Variants in PCDH11X observed in about 807,000 individuals in gnomAD.
PCDH11X encodes protocadherin 11 X-linked, also known as protocadherin-11 X-linked.
PCDH11X carries 18 observed loss-of-function variants against 53.3 expected under a neutral mutation model. The observed-to-expected ratio is 0.34, with a 90% CI of 0.23 to 0.50. The LOEUF (loss-of-function observed/expected upper bound fraction) is 0.50. PCDH11X is among the 20% of genes least tolerant of loss of function. The probability of loss-of-function intolerance (pLI) is 0.98; values close to 1 mark genes in which losing one functional copy is unlikely to be tolerated. For synonymous variants in PCDH11X, 279 were observed against 393.3 expected (o/e 0.71, Z 3.44); for missense variants, 570 against 1,032.4 (o/e 0.55, Z 6.14).
intron 5 of PCDH11X, among the ~76,000 whole-genome samples, chrX:91,848,523 T>C (rs147816454): frequency 0.01 from 1,160 of 111,965 alleles, 16 homozygotes; most frequent in African/African-American, 0.036. Flanking sequence ...TCTAATTATT[T>C]TTGTTATACT....
At chrX:92,397,989 T>A (rs951604625) in intron 9 of PCDH11X, among the ~76,000 whole-genome samples, 6 of 110,623 alleles carry the variant, frequency 5.4e-5, no homozygotes, top group Non-Finnish European at 1.1e-4. Flanking sequence ...AGTTTTAGGA[T>A]TTGACCCAAA....
intron 1 of PCDH11X, among the ~76,000 whole-genome samples, chrX:91,780,034 C>G (rs1022223498): frequency 5.3e-5 from 6 of 112,152 alleles, no homozygotes; most frequent in African/African-American, 1.9e-4. Flanking sequence ...CCAGCTTCAG[C>G]GAGGCTGAGG....
At chrX:91,886,536 G>A (rs1569427818) in intron 6 of PCDH11X, among the ~76,000 whole-genome samples, 1 of 109,940 alleles carries the variant, frequency 9.1e-6, no homozygotes, top group Admixed American at 9.8e-5. Flanking sequence ...TGATATTTAA[G>A]CTATTATATT....
At chrX:92,300,163 G>A (rs1053630129) in intron 8 of PCDH11X, among the ~76,000 whole-genome samples, 9 of 109,901 alleles carry the variant, frequency 8.2e-5, no homozygotes, top group South Asian at 3.9e-4. Context: ...ACTGTGGTCC[G>A]AGAGTGTGGT....
chrX:92,618,004 A>G (rs1465074654), intron 10 of PCDH11X: 1 of 118,205 alleles, frequency 8.5e-6, no homozygotes, highest in African/African-American at 3.3e-5. Context: ...GGTCACAGAT[A>G]CAATAAAAAA....
chrX:92,510,950 C>T (rs1408860194), intron 10 of PCDH11X, among the ~76,000 whole-genome samples: 1 of 111,391 alleles, frequency 9.0e-6, no homozygotes, highest in Non-Finnish European at 1.9e-5. Context: ...TTTAGCAATA[C>T]CTTTTAAAGT....
At chrX:92,264,036 G>A (rs941240362) in intron 8 of PCDH11X, among the ~76,000 whole-genome samples, 15 of 111,694 alleles carry the variant, frequency 1.3e-4, no homozygotes, top group African/African-American at 4.9e-4. Flanking sequence ...TATCTTTGCT[G>A]TTGCTAAGTT....
chrX:91,808,300 G>T (rs1221159519), intron 1 of PCDH11X, among the ~76,000 whole-genome samples: 3 of 107,740 alleles, frequency 2.8e-5, no homozygotes, highest in South Asian at 4.2e-4. Flanking sequence ...TTCGAGACCA[G>T]CCTGGCCAAC....
chrX:92,077,137 A>T (rs753963184), intron 6 of PCDH11X, among the ~76,000 whole-genome samples: 33 of 112,032 alleles, frequency 2.9e-4, no homozygotes, highest in African/African-American at 1.0e-3. Context: ...TGAGCAAGAC[A>T]AAAATGGTAT....
chrX:92,530,740 T>C (rs1303268040), intron 10 of PCDH11X, among the ~76,000 whole-genome samples: 3 of 112,098 alleles, frequency 2.7e-5, no homozygotes, highest in Non-Finnish European at 5.7e-5. Flanking sequence ...TAAAACTGAT[T>C]ACCATAGAAA....
At chrX:91,858,373 T>A in intron 5 of PCDH11X, among the ~76,000 whole-genome samples, 1 of 111,920 alleles carries the variant, frequency 8.9e-6, no homozygotes, top group Non-Finnish European at 1.9e-5. Context: ...TTTCCCATTG[T>A]CTTCTCGATT....
chrX:92,000,507 A>G (rs771113576), intron 6 of PCDH11X, among the ~76,000 whole-genome samples: 143 of 104,937 alleles, frequency 1.4e-3, no homozygotes, highest in African/African-American at 4.9e-3. Flanking sequence ...CAGGCATGCA[A>G]TGTGAAATAA....
chrX:92,538,218 C>T (rs752485945), intron 10 of PCDH11X, among the ~76,000 whole-genome samples: 5 of 107,183 alleles, frequency 4.7e-5, no homozygotes, highest in African/African-American at 1.7e-4. Context: ...TGGCATAAAA[C>T]AGCTTTTAGC....
At chrX:92,391,085 A>G (rs374285550) in intron 9 of PCDH11X, among the ~76,000 whole-genome samples, 1 of 101,705 alleles carries the variant, frequency 9.8e-6, no homozygotes, top group African/African-American at 3.5e-5. Context: ...TGGCCATTGG[A>G]CTAAGGGTCA....
At chrX:91,835,251 G>T (rs1462637500) in intron 4 of PCDH11X, 3 of 954,258 alleles carry the variant, frequency 3.1e-6, no homozygotes, top group Non-Finnish European at 4.2e-6. Flanking sequence ...TGATACTGTA[G>T]GTATCTTATT....
At chrX:92,118,976 C>T (rs1602976049) in intron 6 of PCDH11X, among the ~76,000 whole-genome samples, 2 of 109,814 alleles carry the variant, frequency 1.8e-5, no homozygotes, top group East Asian at 2.8e-4. Context: ...CTCCTGACCT[C>T]GTGATCCGCC....
chrX:92,104,452 C>T (rs984224827), intron 6 of PCDH11X, among the ~76,000 whole-genome samples: 189 of 110,815 alleles, frequency 1.7e-3, no homozygotes, highest in African/African-American at 6.0e-3. Flanking sequence ...AATGCCTGGA[C>T]GTCAGGCACC....
rs759722786 is a variant in PCDH11X, at chrX:92,063,188, T to A, written c.3034-138187T>A. Among the ~76,000 whole-genome samples, 3 of 67,500 alleles carry A rather than the reference T, an allele frequency of 4.4e-5. No homozygotes were observed. The South Asian group carries it at 3.3e-3, about 75-fold the overall frequency. 58.6% of individuals were successfully genotyped at this position (67,500 alleles called of 115,157 possible). A position where few individuals can be genotyped will look rare whatever the true frequency, so the allele number is the denominator to read the frequency against. ...AGGGGAACATCACACACCAGGCCTGTCGGGGGGTGGGGGGCTAGGGGAGGG... is the reference window on the plus strand; with the variant it reads ...AGGGGAACATCACACACCAGGCCTGACGGGGGGTGGGGGGCTAGGGGAGGG... On this transcript the variant is annotated intron_variant, in intron 6 of 10. Transcript: ENST00000682573.
chrX:92,287,068 T>G (rs999346535), intron 8 of PCDH11X, among the ~76,000 whole-genome samples: 1 of 111,795 alleles, frequency 8.9e-6, no homozygotes, highest in African/African-American at 3.2e-5. Flanking sequence ...TTTACGTGAC[T>G]TTAAGACAAT....
Sources: allele counts gnomAD v4.1 joint callset (sites outside exome capture counted in the v4.1 genomes callset), GRCh38; gene constraint gnomAD v4.1.1; transcripts MANE v1.5; gene names NCBI Gene and HGNC (gene_info 2026-07-23, HGNC 2026-07-21).